The following SPIRE1 variants were observed in gnomAD, a reference collection of about 807,000 sequenced individuals.
SPIRE1 encodes protein spire homolog 1.
In SPIRE1, 40 loss-of-function variants were observed where a neutral mutation model predicts 94.1. The observed-to-expected ratio is 0.43, with a 90% CI of 0.33 to 0.55. SPIRE1 has a LOEUF of 0.55. SPIRE1 is among the 20% of genes least tolerant of loss of function. The pLI, the probability that SPIRE1 is intolerant of heterozygous loss-of-function variation, is 0.06. For synonymous variants in SPIRE1, 376 were observed against 371.7 expected, an observed-to-expected ratio of 1.01 and a Z score of -0.13; for missense variants, 838 against 975.2, an observed-to-expected ratio of 0.86 and a Z score of 1.87.
At chr18:12,536,138 T>C (rs1461225285) in intron 3 of SPIRE1, among the ~76,000 whole-genome samples, 1 of 152,206 alleles carries the variant, frequency 6.6e-6, no homozygotes, top group African/African-American at 2.4e-5. Context: ...ATGAGCTTAC[T>C]AGAATTAGCT....
chr18:12,620,192 A>G (rs991260936), intron 2 of SPIRE1, among the ~76,000 whole-genome samples: 1 of 152,150 alleles, frequency 6.6e-6, no homozygotes, highest in Non-Finnish European at 1.5e-5. Context: ...CGAAGACCTA[A>G]ATAAATGGGA....
rs114136819 is a variant in SPIRE1, at chr18:12,503,410, T to C, written c.972+3067A>G. Among the ~76,000 whole-genome samples the C allele has an allele frequency of 3.7e-3, 571 of 152,356 alleles. 2 individuals are homozygous for C. Among genetic ancestry groups the C allele is most frequent in the African/African-American group, 0.013 (545 of 41,586 alleles). ...GACTTTCCAGCCTTCTCTCTGGCTA[T>C]GCCTTGTCCGTCTTTATTTTGCCAG... On this transcript the variant is annotated intron_variant, in intron 6 of 16. Coordinates refer to ENST00000409402, the MANE Select transcript of SPIRE1 (RefSeq NM_001128626.2).
At chr18:12,456,169 G>T (rs892919446) in intron 12 of SPIRE1, among the ~76,000 whole-genome samples, 1 of 152,182 alleles carries the variant, frequency 6.6e-6, no homozygotes, top group South Asian at 2.1e-4. Context: ...CCTAAAATAC[G>T]CATTTAAAAA....
chr18:12,449,959 A>C lies in SPIRE1; in HGVS notation c.2013-63T>G. 4 of 1,503,740 alleles carry C rather than the reference A, an allele frequency of 2.7e-6. No individual in the cohort carries two copies. In the South Asian group the frequency reaches 5.0e-5, roughly 19 times the overall value. 93.1% of individuals were successfully genotyped at this position (1,503,740 alleles called of 1,614,324 possible). A position where few individuals can be genotyped will look rare whatever the true frequency, so the allele number is the denominator to read the frequency against. The stretch of plus-strand genomic sequence containing the variant: ...TTATAGGTCTGCTGCAATATTAAGA[A>C]AATATGTATAAAAAAAAGTAAATTT... On this transcript the variant is annotated intron_variant, in intron 16 of 16. Coordinates refer to ENST00000409402, the MANE Select transcript of SPIRE1 (RefSeq NM_001128626.2).
intron 4 of SPIRE1, among the ~76,000 whole-genome samples, chr18:12,525,210 G>A (rs996501918): frequency 6.9e-6 from 1 of 145,822 alleles, no homozygotes; most frequent in African/African-American, 2.6e-5. Context: ...CCGGAAGGCG[G>A]AGCTTGCAGT....
intron 16 of SPIRE1, among the ~76,000 whole-genome samples, chr18:12,451,320 C>T (rs563929386): frequency 2.0e-5 from 3 of 151,664 alleles, no homozygotes; most frequent in South Asian, 2.1e-4. Flanking sequence ...TGTATTTGTG[C>T]GATTATTTAT....
chr18:12,535,626 T>C (rs1449643751), intron 3 of SPIRE1, 25 bp from the exon 4 acceptor site: 3 of 1,597,102 alleles, frequency 1.9e-6, no homozygotes, highest in African/African-American at 1.3e-5. Flanking sequence ...AATAAAATAA[T>C]GGTGCTTGGT....
chr18:12,610,033 C>T (rs2144680143), intron 2 of SPIRE1, among the ~76,000 whole-genome samples: 1 of 152,234 alleles, frequency 6.6e-6, no homozygotes, highest in South Asian at 2.1e-4. Flanking sequence ...GTCCTTCTTG[C>T]TCCTCACTGA....
intron 2 of SPIRE1, among the ~76,000 whole-genome samples, chr18:12,591,882 T>C (rs1413312001): frequency 7.2e-6 from 1 of 138,046 alleles, no homozygotes. Flanking sequence ...TGCAGGAGAA[T>C]GGCGTGAACC....
chr18:12,546,795 G>C lies in SPIRE1; in HGVS notation c.482C>G (p.Ala161Gly), dbSNP rs747079005. ...PPLEQLIDHMANTVEADGSND... is the reference protein window; with the variant it reads ...PPLEQLIDHMGNTVEADGSND... ...GCTACCGTCAGCTTCCACCGTGTTG[G>C]CCATGTGATCGATAAGCTGCTCTAG... The change falls in exon 3 of 17, where the codon GCC becomes GGC. Residue 161 changes from alanine to glycine, a missense_variant. This residue lies in a region of SPIRE1 where 645 missense variants were observed against 804.7 expected (regional missense o/e 0.80). Coordinates refer to ENST00000409402, the MANE Select transcript of SPIRE1 (RefSeq NM_001128626.2). 6.2e-7 allele frequency: 1 copy of C among 1,613,816 alleles called. No individual in the cohort carries two copies. Among genetic ancestry groups the C allele is most frequent in the African/African-American group, 1.3e-5 (1 of 74,826 alleles).
chr18:12,499,094 C>A (rs116546277), intron 6 of SPIRE1, among the ~76,000 whole-genome samples: 3,846 of 152,166 alleles, frequency 0.025, 166 homozygotes, highest in African/African-American at 0.087. Flanking sequence ...AAAACAGAAC[C>A]ATTAATGATG....
chr18:12,634,255 AAAT>A (rs1308373006), intron 2 of SPIRE1, among the ~76,000 whole-genome samples: 6 of 57,790 alleles, frequency 1.0e-4, no homozygotes, highest in Non-Finnish European at 2.8e-4. Flanking sequence ...CTAAAAATAA[AAAT>A]AAAAAAAAAA....
At chr18:12,468,083 G>A (rs2032197249) in intron 10 of SPIRE1, among the ~76,000 whole-genome samples, 1 of 152,162 alleles carries the variant, frequency 6.6e-6, no homozygotes, top group Admixed American at 6.5e-5. Context: ...TCTGTATAAT[G>A]AAAATATCAT....
chr18:12,482,992 G>C (rs1457264703), intron 9 of SPIRE1, among the ~76,000 whole-genome samples: 1 of 150,774 alleles, frequency 6.6e-6, no homozygotes, highest in African/African-American at 2.4e-5. Context: ...GCAGGTTGGG[G>C]TGCAGTGGCA....
rs534280530 is a variant in SPIRE1, at chr18:12,458,421, C to G, written c.1639-3938G>C. On this transcript the variant is annotated intron_variant, in intron 12 of 16. Transcript: ENST00000409402. ...GGTCAGGAGATGGAGACCATCCTGG[C>G]TAACATGGTGAAACCCCGTCTCTAC... 1.5e-3 allele frequency among the ~76,000 whole-genome samples: 235 copies of G among 151,650 alleles called. 3 individuals carry two copies. Among genetic ancestry groups the G allele is most frequent in the Non-Finnish European group, 2.2e-4 (15 of 67,906 alleles).
chr18:12,607,596 T>TACACAC (rs34187168), intron 2 of SPIRE1, among the ~76,000 whole-genome samples: 1,592 of 146,286 alleles, frequency 0.011, 15 homozygotes, highest in African/African-American at 0.018. Flanking sequence ...TCCACAGCAC[T>TACACAC]ACACACACAC....
At chr18:12,460,455 G>A (rs2031736877) in intron 12 of SPIRE1, among the ~76,000 whole-genome samples, 1 of 152,242 alleles carries the variant, frequency 6.6e-6, no homozygotes, top group South Asian at 2.1e-4. Flanking sequence ...GCTCACGCCT[G>A]TAATCTCAGC....
intron 4 of SPIRE1, among the ~76,000 whole-genome samples, chr18:12,527,532 A>C (rs576518860): frequency 6.6e-6 from 1 of 152,198 alleles, no homozygotes; most frequent in African/African-American, 2.4e-5. Context: ...TCTTCCCCCA[A>C]GTACATAAAT....
rs2033446694 is a variant in SPIRE1, at chr18:12,496,048, C to T, written c.1027G>A (p.Asp343Asn). 6.2e-6 allele frequency: 10 copies of T among 1,613,476 alleles called. No homozygotes were observed. Among genetic ancestry groups the T allele is most frequent in the South Asian group, 2.2e-5 (2 of 91,066 alleles). The change falls in exon 7 of 17, where the codon GAC (aspartate) becomes AAC (asparagine). Residue 343 changes from aspartate to asparagine, a missense_variant. Asp to Asn is a conservative substitution (Grantham distance 23). Coordinates refer to ENST00000409402, the MANE Select transcript of SPIRE1 (RefSeq NM_001128626.2). ...LKKSAHEIIL[D>N]FIRSRPPLNP... ...AAAGGAGGTCTGGATCTGATGAAGT[C>T]GAGGATGATTTCATGAGCACTCTTT...
Sources: gnomAD v4.1 joint callset for allele counts (sites outside exome capture counted in the v4.1 genomes callset) on GRCh38, gnomAD v4.1.1 for gene constraint, gnomAD v4.1.1 regional missense constraint, MANE v1.5 for transcripts, NCBI Gene and HGNC (gene_info 2026-07-23, HGNC 2026-07-21) for gene names.